The following CWF19L2 variants were observed in gnomAD, a reference collection of about 807,000 sequenced individuals.
The protein encoded by CWF19L2 is CWF19 like cell cycle control factor 2.
Under a neutral mutation model 111.7 loss-of-function variants are expected in CWF19L2, and 98 were observed. The ratio of observed to expected loss-of-function variants is 0.88; its 90% CI spans 0.75 to 1.04. The LOEUF is 1.04. Among genes scored for constraint, CWF19L2 ranks in the 50% least tolerant of loss-of-function variants. CWF19L2 has a pLI of 0.00. For missense variants in CWF19L2, 1,101 were observed against 1,051.4 expected, an observed-to-expected ratio of 1.05 and a Z score of -0.65; for synonymous variants, 351 against 342.9, an observed-to-expected ratio of 1.02 and a Z score of -0.26.
At chr11:107,336,452 T>C in intron 15 of CWF19L2, 106 bp downstream of exon 15, 3 of 900,248 alleles carry the variant, frequency 3.3e-6, no homozygotes, top group Non-Finnish European at 4.9e-6. Flanking sequence ...TATATAAATT[T>C]TGATGTAAGT....
chr11:107,401,727 A>T (rs564442702), intron 10 of CWF19L2, among the ~76,000 whole-genome samples: 1 of 152,298 alleles, frequency 6.6e-6, no homozygotes, highest in Admixed American at 6.5e-5. Context: ...AATTAGAAAA[A>T]AACAATTCTA....
intron 6 of CWF19L2, among the ~76,000 whole-genome samples, chr11:107,434,805 C>A (rs902264139): frequency 6.6e-6 from 1 of 151,818 alleles, no homozygotes. Flanking sequence ...ATAATGGTTA[C>A]CCTTCTGGTG....
chr11:107,422,968 T>G (rs1041818576), intron 8 of CWF19L2, among the ~76,000 whole-genome samples: 26 of 151,986 alleles, frequency 1.7e-4, no homozygotes, highest in African/African-American at 6.3e-4. Context: ...AAAGCAACAC[T>G]AGAAAGTAAC....
chr11:107,409,032 T>A (rs1450369271), intron 10 of CWF19L2, among the ~76,000 whole-genome samples: 3 of 151,988 alleles, frequency 2.0e-5, no homozygotes, highest in Middle Eastern at 3.4e-3. Context: ...TATAGTCTTG[T>A]AACTTTTTTT....
At chr11:107,395,927 A>G (rs1326368554) in intron 10 of CWF19L2, among the ~76,000 whole-genome samples, 1 of 101,080 alleles carries the variant, frequency 9.9e-6, no homozygotes, top group East Asian at 2.8e-4. Flanking sequence ...AATTCAATAA[A>G]TGCTTGATAA....
chr11:107,341,982 ATTAAT>A (rs1267465807), intron 14 of CWF19L2, among the ~76,000 whole-genome samples: 3 of 151,548 alleles, frequency 2.0e-5, no homozygotes, highest in South Asian at 2.1e-4. Context: ...CTGGAAGTTT[ATTAAT>A]TTATTTTTTT....
intron 14 of CWF19L2, among the ~76,000 whole-genome samples, chr11:107,342,955 G>A (rs1338495988): frequency 6.6e-6 from 1 of 152,146 alleles, no homozygotes; most frequent in Non-Finnish European, 1.5e-5. Context: ...GAAACTAGAA[G>A]AGGTAAGGAA....
intron 11 of CWF19L2, among the ~76,000 whole-genome samples, chr11:107,392,291 AAG>A (rs1391897906): frequency 6.6e-6 from 1 of 152,234 alleles, no homozygotes; most frequent in East Asian, 1.9e-4. Flanking sequence ...TTGCCAGCTC[AAG>A]AGCCTCAAGG....
At chr11:107,451,862 C>T (rs1018103068) in intron 3 of CWF19L2, among the ~76,000 whole-genome samples, 10 of 152,086 alleles carry the variant, frequency 6.6e-5, no homozygotes, top group African/African-American at 2.4e-4. Context: ...GCAAAAAAAG[C>T]ACTTACCAAA....
At chr11:107,329,835 G>T in intron 17 of CWF19L2, 83 bp downstream of exon 17, 2 of 1,040,942 alleles carry the variant, frequency 1.9e-6, no homozygotes, top group Non-Finnish European at 2.8e-6. Context: ...TTTGTATACT[G>T]TGCCCAAAGT....
chr11:107,343,710 T>C (rs1321104104), intron 14 of CWF19L2, among the ~76,000 whole-genome samples: 3 of 152,170 alleles, frequency 2.0e-5, no homozygotes, highest in Non-Finnish European at 4.4e-5. Flanking sequence ...TTATTTAGTG[T>C]TTTTCAGTCT....
At chr11:107,452,209 A>G (rs916936066) in intron 3 of CWF19L2, among the ~76,000 whole-genome samples, 1 of 152,192 alleles carries the variant, frequency 6.6e-6, no homozygotes, top group Non-Finnish European at 1.5e-5. Flanking sequence ...AGCTACTAAC[A>G]CTAGTATTAG....
intron 13 of CWF19L2, among the ~76,000 whole-genome samples, chr11:107,349,532 G>A (rs777883963): frequency 2.8e-4 from 42 of 151,996 alleles, no homozygotes; most frequent in Admixed American, 5.2e-4. Context: ...AGACGAAGAG[G>A]AAATGACCTC....
intron 10 of CWF19L2, among the ~76,000 whole-genome samples, chr11:107,401,243 G>C (rs1160779239): frequency 6.6e-6 from 1 of 152,054 alleles, no homozygotes; most frequent in Non-Finnish European, 1.5e-5. Context: ...AAGAAACAAA[G>C]GGCATCCAAA....
chr11:107,379,449 G>T (rs562580465), intron 12 of CWF19L2, among the ~76,000 whole-genome samples: 1 of 152,216 alleles, frequency 6.6e-6, no homozygotes, highest in Admixed American at 6.5e-5. Context: ...TATCAATAGC[G>T]CTAAGGCTGT....
At chr11:107,427,977 T>C (rs1861404418) in intron 8 of CWF19L2, among the ~76,000 whole-genome samples, 1 of 152,170 alleles carries the variant, frequency 6.6e-6, no homozygotes. Context: ...ACAGTGCTTT[T>C]ATCTACTACA....
At chr11:107,440,768 G>A (rs902442996) in intron 5 of CWF19L2, among the ~76,000 whole-genome samples, 3 of 152,076 alleles carry the variant, frequency 2.0e-5, no homozygotes, top group Non-Finnish European at 4.4e-5. Flanking sequence ...ACATAAATGA[G>A]CAGCTCCCAG....
intron 10 of CWF19L2, among the ~76,000 whole-genome samples, chr11:107,405,360 G>C (rs1361228251): frequency 6.6e-6 from 1 of 152,004 alleles, no homozygotes; most frequent in Non-Finnish European, 1.5e-5. Flanking sequence ...CTATTATTTA[G>C]CTAATAAAAC....
chr11:107,432,606 C>T (rs1275571315), intron 7 of CWF19L2, among the ~76,000 whole-genome samples: 1 of 152,000 alleles, frequency 6.6e-6, no homozygotes, highest in Non-Finnish European at 1.5e-5. Flanking sequence ...AATTCCAATT[C>T]ACCAGTAAAC....
Sources: gnomAD v4.1 joint callset for allele counts (sites outside exome capture counted in the v4.1 genomes callset) on GRCh38, gnomAD v4.1.1 for gene constraint, MANE v1.5 for transcripts, NCBI Gene and HGNC (gene_info 2026-07-23, HGNC 2026-07-21) for gene names.